Variants in SPDL1 observed in about 807,000 individuals in gnomAD.
The protein encoded by SPDL1 is protein Spindly.
A neutral mutation model predicts 79.5 loss-of-function variants in SPDL1; 85 were observed. The ratio of observed to expected loss-of-function variants is 1.07; its 90% CI spans 0.90 to 1.28. The LOEUF (loss-of-function observed/expected upper bound fraction) is 1.28. Among genes scored for constraint, SPDL1 ranks in the 50% most tolerant of loss-of-function variants. The probability of loss-of-function intolerance (pLI) is 0.00; values close to 1 mark genes in which losing one functional copy is unlikely to be tolerated. For missense variants in SPDL1, 703 were observed against 697.8 expected (o/e 1.01, Z -0.08); for synonymous variants, 269 against 240.3 (o/e 1.12, Z -1.10).
chr5:169,600,760 C>G (rs1755834860), intron 10 of SPDL1, among the ~76,000 whole-genome samples: 1 of 152,158 alleles, frequency 6.6e-6, no homozygotes, highest in Admixed American at 6.6e-5. Context: ...GTAGGTAGAG[C>G]TAACAGGCAT....
Position 169,588,577 on chromosome 5 carries a change from T to A in SPDL1, c.159+2T>A. 6.2e-7 allele frequency: 1 copy of A among 1,610,162 alleles called. No homozygotes were observed. Among genetic ancestry groups the A allele is most frequent in the Non-Finnish European group, 8.5e-7 (1 of 1,178,244 alleles). Reference sequence around the variant, plus strand: ...AATGAAATGATGACCATGACTGAGGTAGGACTCTGGACTCCTCTGTCTGCA... The same window carrying A: ...AATGAAATGATGACCATGACTGAGGAAGGACTCTGGACTCCTCTGTCTGCA... On this transcript the variant is annotated splice_donor_variant, in intron 2 of 11. Transcript: ENST00000265295. LOFTEE classifies it high-confidence loss of function.
At position 169,604,194 on chromosome 5, in the gene SPDL1, G is replaced by T; in HGVS notation, c.1805G>T (p.Cys602Phe). 6.3e-7 allele frequency: 1 copy of T among 1,589,328 alleles called. No homozygotes were observed. The highest frequency in any genetic ancestry group is 8.5e-7 in the Non-Finnish European group (1 of 1,170,874). Residue 602 changes from cysteine to phenylalanine, a missense_variant, in exon 12 of 12, where the codon TGC becomes TTC. By Grantham distance (205) the Cys-to-Phe change is radical (BLOSUM62 -2). Coordinates refer to ENST00000265295, the MANE Select transcript of SPDL1 (RefSeq NM_017785.5). Reference sequence around the variant, plus strand: ...TCTAAATCTACTCCAGAGACCCAGTGCCCTCAACAGTAAAGACTTGTCTTT... The same window carrying T: ...TCTAAATCTACTCCAGAGACCCAGTTCCCTCAACAGTAAAGACTTGTCTTT... ...VSSKSTPETQ[C>F]PQQ
At position 169,599,152 on chromosome 5, in the gene SPDL1, A is replaced by G; in HGVS notation, c.1317A>G (p.Glu439=). Reference sequence around the variant, plus strand: ...TAGATGAATTGAAACTAAAATATGAACCTGAAGGTATATATGTCTCATATA... The same window carrying G: ...TAGATGAATTGAAACTAAAATATGAGCCTGAAGGTATATATGTCTCATATA... ...AKLDELKLKY[E]PEETVEVPVL... The change falls in exon 10 of 12, where the codon GAA becomes GAG. Residue 439 remains glutamate (E), a synonymous_variant. Transcript: ENST00000265295. The G allele has an allele frequency of 6.6e-7, 1 of 1,507,146 alleles. No individual in the cohort carries two copies. The highest frequency in any genetic ancestry group is 9.1e-7 in the Non-Finnish European group (1 of 1,103,886). 93.4% of individuals were successfully genotyped at this position (1,507,146 alleles called of 1,614,324 possible). A position where few individuals can be genotyped will look rare whatever the true frequency, so the allele number is the denominator to read the frequency against.
chr5:169,601,114 A>G (rs1230129893), intron 10 of SPDL1, among the ~76,000 whole-genome samples, 166 bp from the exon 11 acceptor site: 12 of 152,246 alleles, frequency 7.9e-5, no homozygotes. Context: ...TATAGATTCC[A>G]TGATAAAGAA....
chr5:169,585,837 C>T (rs1754960544), intron 1 of SPDL1: 1 of 152,216 alleles, frequency 6.6e-6, no homozygotes, highest in South Asian at 2.1e-4. Flanking sequence ...CTTACACAGA[C>T]TTCCACCACT....
rs770957827 is a variant in SPDL1 at position 169,594,500 on chromosome 5, T to G, written c.780+8T>G. The G allele has an allele frequency of 6.2e-7, 1 of 1,613,316 alleles. No homozygotes were observed. The highest frequency in any genetic ancestry group is 1.7e-5 in the Admixed American group (1 of 60,014). The stretch of plus-strand genomic sequence containing the variant: ...AACTCTTTGTTTGCAGAGGTACTTA[T>G]AAGTATCCTAACTACTAAATTGGTA... On this transcript the variant is annotated splice_region_variant and intron_variant, in intron 6 of 11. Transcript: ENST00000265295.
chr5:169,584,552 T>C (rs375359458), intron 1 of SPDL1, among the ~76,000 whole-genome samples: 16 of 152,316 alleles, frequency 1.1e-4, no homozygotes, highest in Admixed American at 9.2e-4. Flanking sequence ...TTAAATAACT[T>C]GTCCAAGTTC....
intron 3 of SPDL1, among the ~76,000 whole-genome samples, chr5:169,592,203 A>ATT (rs35539980): frequency 3.3e-4 from 43 of 128,994 alleles, no homozygotes; most frequent in East Asian, 1.1e-3. Flanking sequence ...CAATGAAAGT[A>ATT]TTTTTTTTTC....
At chr5:169,587,830 C>A (rs1755064766) in intron 1 of SPDL1, among the ~76,000 whole-genome samples, 1 of 152,170 alleles carries the variant, frequency 6.6e-6, no homozygotes, top group African/African-American at 2.4e-5. Context: ...AATTTTCCTT[C>A]CTTAGCCTCC....
chr5:169,603,759 C>A (rs1756049259), intron 11 of SPDL1, among the ~76,000 whole-genome samples: 2 of 152,092 alleles, frequency 1.3e-5, no homozygotes, highest in African/African-American at 4.8e-5. Context: ...GTGGCTGAGG[C>A]AGGAGAATCG....
Position 169,601,518 on chromosome 5 carries a change from C to T in SPDL1, c.1563C>T (p.Pro521=), listed in dbSNP as rs146503862. 7.2e-4 allele frequency: 1,160 copies of T among 1,614,096 alleles called. 4 individuals carry two copies. In the African/African-American group the frequency reaches 0.012, roughly 17 times the overall value. The change falls in exon 11 of 12, where the codon CCC becomes CCT. Residue 521 remains proline, a synonymous_variant. Transcript: ENST00000265295. ...VVSLSPHKNL[P]VDMQLKKEKK... ...GTCTCTCTCCTCACAAAAATCTGCCCGTGGATATGCAGCTGAAGAAGGAAA... is the reference window on the plus strand; with the variant it reads ...GTCTCTCTCCTCACAAAAATCTGCCTGTGGATATGCAGCTGAAGAAGGAAA...
At chr5:169,594,730 C>T (rs1052984485) in intron 7 of SPDL1, 49 bp downstream of exon 7, 1 of 1,290,728 alleles carries the variant, frequency 7.7e-7, no homozygotes, top group African/African-American at 1.5e-5. Flanking sequence ...TTTGTGTCAG[C>T]ATTACATGTA....
chr5:169,601,403 A>T lies in SPDL1; in HGVS notation c.1448A>T (p.Gln483Leu). 2 of 1,614,196 alleles carry T rather than the reference A, an allele frequency of 1.2e-6. No individual in the cohort carries two copies. The highest frequency in any genetic ancestry group is 1.7e-6 in the Non-Finnish European group (2 of 1,180,030). The change falls in exon 11 of 12, where the codon CAG becomes CTG. Residue 483 changes from glutamine (Q) to leucine (L), a missense_variant. Transcript: ENST00000265295. ...GGAGAAGTTTATCGATTACCGCCTC[A>T]GAAAGAGGAGACACAGTCCTGCCCT... is the stretch of plus-strand genomic sequence containing the variant. ...LGGEVYRLPP[Q>L]KEETQSCPNS...
intron 8 of SPDL1, among the ~76,000 whole-genome samples, chr5:169,597,603 T>C (rs1378573209): frequency 2.6e-5 from 4 of 152,188 alleles, no homozygotes; most frequent in African/African-American, 7.2e-5. Context: ...AAAAAGCTTG[T>C]TGGCTTTCTA....
chr5:169,587,547 G>A (rs753026856), intron 1 of SPDL1, among the ~76,000 whole-genome samples: 9 of 152,106 alleles, frequency 5.9e-5, no homozygotes, highest in Non-Finnish European at 1.0e-4. Context: ...ATACTTTTAT[G>A]AATAACTAGA....
chr5:169,600,910 C>T (rs1246608716), intron 10 of SPDL1, among the ~76,000 whole-genome samples: 3 of 152,178 alleles, frequency 2.0e-5, no homozygotes, highest in Non-Finnish European at 2.9e-5. Flanking sequence ...TCCCCAAAGA[C>T]ATGGCTGTCA....
intron 10 of SPDL1, 146 bp downstream of exon 10, chr5:169,599,305 G>T: frequency 1.6e-6 from 1 of 642,966 alleles, no homozygotes; most frequent in South Asian, 4.7e-5. Context: ...AATTTATTGT[G>T]TAAAATAGGT....
In SPDL1 at chr5:169,589,347, G is replaced by A. The variant is rs115322353; in HGVS notation, c.159+772G>A. On this transcript the variant is annotated intron_variant, in intron 2 of 11. Transcript: ENST00000265295. ...TTCTTCACTCAGCGTCTAAGTGGTC[G>A]TGGAATAACACACCAAAGGTCATGC... 2.5e-3 allele frequency among the ~76,000 whole-genome samples: 385 copies of A among 152,172 alleles called. 1 individual carries two copies. The highest frequency in any genetic ancestry group is 8.8e-3 in the African/African-American group (364 of 41,500).
intron 7 of SPDL1, among the ~76,000 whole-genome samples, chr5:169,595,065 C>T (rs1291174286): frequency 6.6e-6 from 1 of 152,168 alleles, no homozygotes; most frequent in Non-Finnish European, 1.5e-5. Flanking sequence ...TTCCTCTGCT[C>T]TTTCACCAAG....
Sources: gnomAD v4.1 joint callset for allele counts (sites outside exome capture counted in the v4.1 genomes callset) on GRCh38, gnomAD v4.1.1 for gene constraint, MANE v1.5 for transcripts, NCBI Gene and HGNC (gene_info 2026-07-23, HGNC 2026-07-21) for gene names.